The following FRMD3 variants were observed in gnomAD, a reference collection of about 807,000 sequenced individuals.
FRMD3 encodes the protein FERM domain-containing protein 3.
FRMD3 carries 33 observed loss-of-function variants against 70.2 expected under a neutral mutation model. The observed-to-expected ratio is 0.47, with a 90% CI of 0.36 to 0.63. FRMD3 has a LOEUF of 0.63. FRMD3 is among the 20% of genes least tolerant of loss of function. The pLI, the probability that FRMD3 is intolerant of heterozygous loss-of-function variation, is 0.00. For synonymous variants in FRMD3, 279 were observed against 255.9 expected, an observed-to-expected ratio of 1.09 and a Z score of -0.86; for missense variants, 632 against 711.4, an observed-to-expected ratio of 0.89 and a Z score of 1.27.
intron 6 of FRMD3, among the ~76,000 whole-genome samples, chr9:83,314,032 G>T (rs1251850775): frequency 6.6e-6 from 1 of 152,160 alleles, no homozygotes; most frequent in Admixed American, 6.5e-5. Context: ...CAATAAGCAG[G>T]CCCTTGCAAA....
intron 1 of FRMD3, among the ~76,000 whole-genome samples, chr9:83,508,561 C>G (rs987174953): frequency 3.3e-5 from 5 of 152,192 alleles, no homozygotes; most frequent in Non-Finnish European, 1.5e-5. Context: ...TCCTTCTACT[C>G]TGTTTAATGC....
At chr9:83,486,548 C>T (rs1828694663) in intron 1 of FRMD3, among the ~76,000 whole-genome samples, 1 of 152,040 alleles carries the variant, frequency 6.6e-6, no homozygotes, top group South Asian at 2.1e-4. Flanking sequence ...AATGTAAGAC[C>T]ACAAACTATA....
Position 83,532,363 on chromosome 9 carries a change from C to T in FRMD3, c.147+5722G>A, listed in dbSNP as rs562805714. Among the ~76,000 whole-genome samples, 4 of 152,238 alleles carry T rather than the reference C, an allele frequency of 2.6e-5. No individual in the cohort carries two copies. The South Asian group carries it at 6.2e-4, about 24-fold the overall frequency. On this transcript the variant is annotated intron_variant, in intron 1 of 13. Coordinates refer to ENST00000304195, the MANE Select transcript of FRMD3 (RefSeq NM_174938.6). Reference sequence around the variant, plus strand: ...GCTGTGCCTGCTCTGAACAAGATGCCTTTTAGCTGCCCAGAACCCACCCAT... The same window carrying T: ...GCTGTGCCTGCTCTGAACAAGATGCTTTTTAGCTGCCCAGAACCCACCCAT...
chr9:83,363,404 C>T (rs1824673550), intron 3 of FRMD3, among the ~76,000 whole-genome samples: 1 of 152,042 alleles, frequency 6.6e-6, no homozygotes, highest in Non-Finnish European at 1.5e-5. Context: ...ATAATTTATC[C>T]TTGCAAAAAT....
chr9:83,416,410 T>C (rs1041695033), intron 1 of FRMD3, among the ~76,000 whole-genome samples: 3 of 152,250 alleles, frequency 2.0e-5, no homozygotes, highest in African/African-American at 4.8e-5. Context: ...CAAGCTGTTC[T>C]ATGCAGTGGC....
chr9:83,263,001 G>A (rs1833058394), intron 13 of FRMD3, among the ~76,000 whole-genome samples: 1 of 152,158 alleles, frequency 6.6e-6, no homozygotes, highest in Non-Finnish European at 1.5e-5. Flanking sequence ...AGAGGGGAGG[G>A]GGCCTGAGGG....
intron 2 of FRMD3, among the ~76,000 whole-genome samples, chr9:83,374,560 C>A (rs3860909): frequency 0.71 from 107,366 of 152,084 alleles, 38,151 homozygotes; most frequent in Admixed American, 0.73. Context: ...TACCACTTAC[C>A]AGTTATAAAC....
chr9:83,342,690 GATTA>G (rs1823805024), intron 5 of FRMD3, among the ~76,000 whole-genome samples: 1 of 133,416 alleles, frequency 7.5e-6, no homozygotes, highest in African/African-American at 2.8e-5. Flanking sequence ...TGGATGGATA[GATTA>G]GATAGATAGA....
chr9:83,405,528 G>A lies in FRMD3; in HGVS notation c.148-15820C>T, dbSNP rs536468807. ...TGTAATCCCAGCACTTTGGGAGGCC[G>A]AGGCAGGTAGATCACCTGAGGTTGG... On this transcript the variant is annotated intron_variant, in intron 1 of 13. Transcript: ENST00000304195. 4.3e-4 allele frequency among the ~76,000 whole-genome samples: 65 copies of A among 151,940 alleles called. 1 individual carries two copies. In the East Asian group the frequency reaches 0.011, roughly 25 times the overall value.
intron 1 of FRMD3, among the ~76,000 whole-genome samples, chr9:83,510,355 C>T (rs1210874948): frequency 6.6e-6 from 1 of 152,184 alleles, no homozygotes; most frequent in Admixed American, 6.5e-5. Flanking sequence ...TGACTACACT[C>T]AAAAAGTCAG....
chr9:83,271,234 TGA>T (rs1245266173), intron 13 of FRMD3, among the ~76,000 whole-genome samples: 2 of 152,208 alleles, frequency 1.3e-5, no homozygotes, highest in African/African-American at 4.8e-5. Context: ...TAAAATAGTT[TGA>T]GAGATTCACT....
chr9:83,425,981 TA>T (rs1242453402), intron 1 of FRMD3, among the ~76,000 whole-genome samples: 1 of 151,188 alleles, frequency 6.6e-6, no homozygotes, highest in Non-Finnish European at 1.5e-5. Flanking sequence ...AAGAGATTAT[TA>T]AACCTCACAG....
intron 1 of FRMD3, among the ~76,000 whole-genome samples, chr9:83,513,569 T>A (rs1391740555): frequency 6.6e-6 from 1 of 152,248 alleles, no homozygotes; most frequent in African/African-American, 2.4e-5. Context: ...TTATATGTCC[T>A]TTATTTCTTC....
At chr9:83,499,045 A>G (rs1829007034) in intron 1 of FRMD3, among the ~76,000 whole-genome samples, 1 of 152,218 alleles carries the variant, frequency 6.6e-6, no homozygotes, top group Non-Finnish European at 1.5e-5. Context: ...ACCAAGATGC[A>G]AAAATCTTCC....
intron 13 of FRMD3, among the ~76,000 whole-genome samples, chr9:83,260,281 G>A (rs1036467417): frequency 1.3e-5 from 2 of 152,156 alleles, no homozygotes; most frequent in Non-Finnish European, 2.9e-5. Flanking sequence ...GCAAGTTAAG[G>A]TCACAAAATT....
intron 13 of FRMD3, among the ~76,000 whole-genome samples, chr9:83,287,719 G>A (rs962006439): frequency 1.3e-5 from 2 of 152,154 alleles, no homozygotes; most frequent in East Asian, 3.8e-4. Context: ...CTGATTTTAT[G>A]TCAGACACTC....
chr9:83,447,185 A>T (rs936337042), intron 1 of FRMD3, among the ~76,000 whole-genome samples: 1 of 152,086 alleles, frequency 6.6e-6, no homozygotes, highest in Non-Finnish European at 1.5e-5. Flanking sequence ...CACCACGCAC[A>T]GCTAATTTTT....
At position 83,538,082 on chromosome 9, in the gene FRMD3, C is replaced by T. The variant is rs762079446; in HGVS notation, c.147+3G>A. ...CCGCGCCCTCGCCCGGTTCCACGCGCACCTGGATGTGGCAGGAGATCTCCG... is the reference window on the plus strand; with the variant it reads ...CCGCGCCCTCGCCCGGTTCCACGCGTACCTGGATGTGGCAGGAGATCTCCG... On this transcript the variant is annotated splice_donor_region_variant and intron_variant, in intron 1 of 13. Coordinates refer to ENST00000304195, the MANE Select transcript of FRMD3 (RefSeq NM_174938.6). The surrounding 1 kb of genome is among the most constrained non-coding windows in gnomAD (Gnocchi z 4.7). 5.6e-6 allele frequency: 9 copies of T among 1,612,398 alleles called. No homozygotes were observed. In the Admixed American group the frequency reaches 6.7e-5, roughly 12 times the overall value.
intron 1 of FRMD3, among the ~76,000 whole-genome samples, chr9:83,443,105 T>A (rs901184066): frequency 1.3e-5 from 2 of 152,204 alleles, no homozygotes; most frequent in African/African-American, 4.8e-5. Flanking sequence ...ATGATTCTTA[T>A]TATCTTTCAC....
Sources: gnomAD v4.1 joint callset for allele counts (sites outside exome capture counted in the v4.1 genomes callset) on GRCh38, gnomAD v4.1.1 for gene constraint, Gnocchi (gnomAD v3.1) non-coding constraint, MANE v1.5 for transcripts, NCBI Gene and HGNC (gene_info 2026-07-23, HGNC 2026-07-21) for gene names.